HIVEP3: variants seen among roughly 807,000 people sequenced by gnomAD.
HIVEP3 encodes the protein transcription factor HIVEP3.
A neutral mutation model predicts 152.8 loss-of-function variants in HIVEP3; 49 were observed. The ratio of observed to expected loss-of-function variants is 0.32; its 90% CI spans 0.26 to 0.41. HIVEP3 has a LOEUF of 0.41. Among genes scored for constraint, HIVEP3 ranks in the 10% least tolerant of loss-of-function variants. The probability of loss-of-function intolerance (pLI) is 1.00; values close to 1 mark genes in which losing one functional copy is unlikely to be tolerated. For synonymous variants in HIVEP3, 1,269 were observed against 1,289.0 expected (o/e 0.98, Z 0.33); for missense variants, 2,790 against 3,103.3 (o/e 0.90, Z 2.40).
chr1:41,890,579 G>C (rs12745534), intron 1 of HIVEP3, among the ~76,000 whole-genome samples: 29,225 of 152,200 alleles, frequency 0.19, 3,589 homozygotes, highest in East Asian at 0.45. Context: ...TATATAGTTT[G>C]TCATTTAATC....
intron 1 of HIVEP3, among the ~76,000 whole-genome samples, chr1:41,714,197 C>T (rs941020793): frequency 2.0e-5 from 3 of 152,094 alleles, no homozygotes; most frequent in Non-Finnish European, 4.4e-5. Flanking sequence ...TCTGATGTTA[C>T]TGGCTGGGAA....
chr1:41,852,582 G>C (rs145140328), intron 1 of HIVEP3, among the ~76,000 whole-genome samples: 110 of 152,324 alleles, frequency 7.2e-4, no homozygotes, highest in Non-Finnish European at 1.2e-3. Context: ...CAAGAAGGTG[G>C]GGTGGATGGT....
Position 41,510,532 on chromosome 1 carries a change from C to CT in HIVEP3, c.7139dup (p.Asp2381GlyfsTer19). On this transcript the variant is annotated frameshift_variant, in exon 9 of 9. Transcript: ENST00000372583. LOFTEE classifies it high-confidence loss of function. Reference sequence around the variant, plus strand: ...CACTTCCTGAGGGCTTGGGGGAGTCCTGCCTGGTCCTGGGTTCCCCGGAGA... The same window carrying CT: ...CACTTCCTGAGGGCTTGGGGGAGTCCTTGCCTGGTCCTGGGTTCCCCGGAGA... The CT allele has an allele frequency of 6.3e-7, 1 of 1,586,602 alleles. No individual in the cohort carries two copies. The highest frequency in any genetic ancestry group is 8.6e-7 in the Non-Finnish European group (1 of 1,166,598).
chr1:41,654,220 G>A (rs908063634), intron 2 of HIVEP3, among the ~76,000 whole-genome samples: 3 of 152,190 alleles, frequency 2.0e-5, no homozygotes, highest in African/African-American at 7.2e-5. Context: ...AAGTTATACG[G>A]TATACATGAA....
At chr1:41,749,404 T>TTGTGTGTGTGTGTGTGTGTGTG (rs3064239) in intron 1 of HIVEP3, among the ~76,000 whole-genome samples, 12,285 of 140,452 alleles carry the variant, frequency 0.087, 771 homozygotes, top group Middle Eastern at 0.15. Context: ...TTAGAAAAAA[T>TTGTGTGTGTGTGTGTGTGTGTG]TGTGTGTGTG....
chr1:41,815,068 AAAGTAAAACAGG>A (rs1651184725), intron 1 of HIVEP3, among the ~76,000 whole-genome samples: 1 of 152,238 alleles, frequency 6.6e-6, no homozygotes, highest in Admixed American at 6.5e-5. Context: ...TGCTATGAAG[AAAGTAAAACAGG>A]ATGGCCTGGG....
At chr1:41,965,769 G>A (rs922801698) in intron 1 of HIVEP3, among the ~76,000 whole-genome samples, 3 of 152,160 alleles carry the variant, frequency 2.0e-5, no homozygotes, top group Non-Finnish European at 4.4e-5. Context: ...GTACCTGAAA[G>A]GGACAGAAAG....
chr1:41,605,047 G>C (rs1421602831), intron 3 of HIVEP3, among the ~76,000 whole-genome samples: 1 of 149,944 alleles, frequency 6.7e-6, no homozygotes, highest in Non-Finnish European at 1.5e-5. Context: ...AGAGGCTGTA[G>C]TGAGCTGAGA....
At chr1:41,862,426 C>A (rs1643899102) in intron 1 of HIVEP3, among the ~76,000 whole-genome samples, 1 of 152,182 alleles carries the variant, frequency 6.6e-6, no homozygotes, top group African/African-American at 2.4e-5. Flanking sequence ...GTTATTTTCA[C>A]ACTTATGCAT....
At chr1:41,640,761 A>AT (rs1645360066) in intron 2 of HIVEP3, among the ~76,000 whole-genome samples, 1 of 152,172 alleles carries the variant, frequency 6.6e-6, no homozygotes, top group Non-Finnish European at 1.5e-5. Flanking sequence ...CTGTCCCTGC[A>AT]TTTTTTCACA....
intron 3 of HIVEP3, among the ~76,000 whole-genome samples, chr1:41,620,224 T>C (rs1231976724): frequency 6.6e-6 from 1 of 152,178 alleles, no homozygotes; most frequent in African/African-American, 2.4e-5. Flanking sequence ...CAGTTTCCAC[T>C]CGCTTTCCCA....
At chr1:41,809,923 C>T (rs987382436) in intron 1 of HIVEP3, among the ~76,000 whole-genome samples, 3 of 152,300 alleles carry the variant, frequency 2.0e-5, no homozygotes, top group East Asian at 3.9e-4. Context: ...TTTTCAATGT[C>T]TCATTCCAGG....
At chr1:41,609,372 G>A (rs528947645) in intron 3 of HIVEP3, among the ~76,000 whole-genome samples, 1 of 152,368 alleles carries the variant, frequency 6.6e-6, no homozygotes, top group East Asian at 1.9e-4. Context: ...TGCCTGGGCA[G>A]CCTAGTAGTT....
At position 41,695,913 on chromosome 1, in the gene HIVEP3, T is replaced by G. The variant is rs77212885; in HGVS notation, c.-721+5003A>C. ...GCCACTTACCTATGGGGCTGATGAA[T>G]GGGAAGAGCCCTGGGCTTGGAGTGA... On this transcript the variant is annotated intron_variant, in intron 2 of 8. Coordinates refer to ENST00000372583, the MANE Select transcript of HIVEP3 (RefSeq NM_024503.5). 1.4e-4 allele frequency among the ~76,000 whole-genome samples: 21 copies of G among 152,280 alleles called. No individual in the cohort carries two copies. The East Asian group carries it at 3.9e-3, about 28-fold the overall frequency.
intron 1 of HIVEP3, among the ~76,000 whole-genome samples, chr1:41,986,601 C>A (rs1022803587): frequency 2.0e-5 from 3 of 152,028 alleles, no homozygotes; most frequent in African/African-American, 7.3e-5. Flanking sequence ...CCACCACGCC[C>A]GGCTAATTTT....
chr1:41,986,809 C>A (rs1645326583), intron 1 of HIVEP3, among the ~76,000 whole-genome samples: 1 of 152,132 alleles, frequency 6.6e-6, no homozygotes, highest in African/African-American at 2.4e-5. Context: ...AAGATACTGT[C>A]CTTCCAGCAG....
rs142385580 is a variant in HIVEP3 at position 41,565,972 on chromosome 1, A to G, written c.5207+9572T>C. 9.5e-3 allele frequency among the ~76,000 whole-genome samples: 1,449 copies of G among 152,044 alleles called. 23 individuals are homozygous for G. Among genetic ancestry groups the G allele is most frequent in the African/African-American group, 0.033 (1,367 of 41,478 alleles). ...ACTTCGCTTTTCACATTTTTTTTTA[A>G]CCATCCATGACTTGGGTTTCACAGC... On this transcript the variant is annotated intron_variant, in intron 5 of 8. Coordinates refer to ENST00000372583, the MANE Select transcript of HIVEP3 (RefSeq NM_024503.5).
At chr1:41,937,937 T>G (rs180991053) in intron 1 of HIVEP3, among the ~76,000 whole-genome samples, 2 of 152,288 alleles carry the variant, frequency 1.3e-5, no homozygotes, top group East Asian at 3.9e-4. Context: ...GCACAAAGTA[T>G]TCTATATGTG....
intron 5 of HIVEP3, among the ~76,000 whole-genome samples, chr1:41,566,693 G>A (rs1006997767): frequency 6.6e-6 from 1 of 152,112 alleles, no homozygotes; most frequent in African/African-American, 2.4e-5. Flanking sequence ...CCTGTTGAAT[G>A]GGCACGTGCC....
Sources: gnomAD v4.1 joint callset for allele counts (sites outside exome capture counted in the v4.1 genomes callset) on GRCh38, gnomAD v4.1.1 for gene constraint, MANE v1.5 for transcripts, NCBI Gene and HGNC (gene_info 2026-07-23, HGNC 2026-07-21) for gene names.